The following AP3S1 variants were observed in gnomAD, a reference collection of about 807,000 sequenced individuals.
AP3S1 encodes AP-3 complex subunit sigma-1.
A neutral mutation model predicts 21.3 loss-of-function variants in AP3S1; 12 were observed. The ratio of observed to expected loss-of-function variants is 0.56; its 90% CI spans 0.36 to 0.91. The LOEUF (loss-of-function observed/expected upper bound fraction) is 0.91. AP3S1 is among the 40% of genes least tolerant of loss of function. The pLI is 0.01. For synonymous variants in AP3S1, 48 were observed against 78.4 expected (o/e 0.61, Z 2.05); for missense variants, 116 against 225.0 (o/e 0.52, Z 3.10).
At chr5:115,855,391 G>A (rs1276004351) in intron 1 of AP3S1, among the ~76,000 whole-genome samples, 3 of 151,966 alleles carry the variant, frequency 2.0e-5, no homozygotes, top group Non-Finnish European at 2.9e-5. Context: ...CTAGGCTGGA[G>A]TCCGGTGGTA....
intron 3 of AP3S1, among the ~76,000 whole-genome samples, chr5:115,871,446 C>T (rs1435123678): frequency 2.0e-5 from 3 of 152,158 alleles, no homozygotes; most frequent in African/African-American, 7.2e-5. Flanking sequence ...TCACTATGTA[C>T]CCATTTCTAG....
intron 1 of AP3S1, among the ~76,000 whole-genome samples, chr5:115,852,184 T>C (rs907412892): frequency 6.6e-6 from 1 of 152,132 alleles, no homozygotes; most frequent in African/African-American, 2.4e-5. Flanking sequence ...ATTATCTCTT[T>C]TATTTTATTT....
chr5:115,853,826 T>C (rs1762614376), intron 1 of AP3S1, among the ~76,000 whole-genome samples: 1 of 152,224 alleles, frequency 6.6e-6, no homozygotes, highest in Admixed American at 6.5e-5. Flanking sequence ...ACTCTCTAAA[T>C]ATTTCAAACT....
chr5:115,913,227 C>T, intron 5 of AP3S1, 135 bp from the exon 6 acceptor site: 1 of 792,024 alleles, frequency 1.3e-6, no homozygotes, highest in Non-Finnish European at 1.8e-6. Flanking sequence ...CATTCCATAC[C>T]AATTCAAACT....
At chr5:115,842,154 A>G (rs1200928795) in intron 1 of AP3S1, 48 bp downstream of exon 1, 1 of 1,522,840 alleles carries the variant, frequency 6.6e-7, no homozygotes, top group Admixed American at 2.1e-5. Flanking sequence ...GTCGTTGGCG[A>G]CGGGCAGCGC....
At chr5:115,902,658 A>G (rs1328524430) in intron 4 of AP3S1, among the ~76,000 whole-genome samples, 2 of 152,150 alleles carry the variant, frequency 1.3e-5, no homozygotes, top group Admixed American at 6.5e-5. Context: ...TGAAGGTAGT[A>G]CTATTGTTTT....
chr5:115,851,944 A>C (rs915289355), intron 1 of AP3S1, among the ~76,000 whole-genome samples: 1 of 152,080 alleles, frequency 6.6e-6, no homozygotes, highest in African/African-American at 2.4e-5. Context: ...TAATTTAACC[A>C]ATCAATGTGG....
chr5:115,871,846 T>C (rs560411794), intron 3 of AP3S1, among the ~76,000 whole-genome samples: 2 of 152,276 alleles, frequency 1.3e-5, no homozygotes, highest in East Asian at 3.9e-4. Flanking sequence ...TCTCCTAAAA[T>C]ATCTAGCACT....
At chr5:115,864,554 A>C (rs1040798476) in intron 1 of AP3S1, among the ~76,000 whole-genome samples, 2 of 152,242 alleles carry the variant, frequency 1.3e-5, no homozygotes, top group Admixed American at 1.3e-4. Context: ...TAAAGATGTC[A>C]TTGTTGTTAT....
chr5:115,894,332 T>A (rs972301220), intron 3 of AP3S1, among the ~76,000 whole-genome samples: 7 of 152,158 alleles, frequency 4.6e-5, no homozygotes, highest in African/African-American at 1.7e-4. Flanking sequence ...AAGCTTCAGA[T>A]CCTCGGAGAA....
intron 3 of AP3S1, 91 bp downstream of exon 3, chr5:115,870,219 G>A: frequency 1.3e-6 from 1 of 774,288 alleles, no homozygotes; most frequent in Non-Finnish European, 2.0e-6. Context: ...CTAAAATGAT[G>A]TTAGTAAGAA....
chr5:115,873,882 A>G (rs185989017), intron 3 of AP3S1, among the ~76,000 whole-genome samples: 6 of 152,146 alleles, frequency 3.9e-5, no homozygotes, highest in African/African-American at 1.2e-4. Flanking sequence ...ATATGTAACT[A>G]TTAAACCTAT....
At chr5:115,842,943 G>C (rs1056392076) in intron 1 of AP3S1, among the ~76,000 whole-genome samples, 2 of 151,490 alleles carry the variant, frequency 1.3e-5, no homozygotes, top group Non-Finnish European at 2.9e-5. Context: ...CTCATTTATA[G>C]TTTTTTTCTA....
At chr5:115,872,997 G>A (rs1449424570) in intron 3 of AP3S1, among the ~76,000 whole-genome samples, 2 of 152,092 alleles carry the variant, frequency 1.3e-5, no homozygotes, top group Non-Finnish European at 2.9e-5. Flanking sequence ...AGAATTACAG[G>A]AAGAAAAACA....
At chr5:115,872,174 C>T (rs114724062) in intron 3 of AP3S1, among the ~76,000 whole-genome samples, 1 of 152,012 alleles carries the variant, frequency 6.6e-6, no homozygotes, top group Non-Finnish European at 1.5e-5. Context: ...CTGCACCTGT[C>T]GTCCCAATCA....
chr5:115,882,222 C>T (rs763474890), intron 3 of AP3S1, among the ~76,000 whole-genome samples: 7 of 152,038 alleles, frequency 4.6e-5, no homozygotes, highest in African/African-American at 1.4e-4. Context: ...AACTCATTCA[C>T]CTTCCAGTTT....
intron 2 of AP3S1, among the ~76,000 whole-genome samples, chr5:115,868,172 G>A (rs910526664): frequency 1.3e-5 from 2 of 152,086 alleles, no homozygotes; most frequent in African/African-American, 2.4e-5. Context: ...TATTTTTAAA[G>A]GCAAAATATG....
In AP3S1 at chr5:115,896,857, T is replaced by C. The variant is rs566656766; in HGVS notation, c.345+1699T>C. Among the ~76,000 whole-genome samples, 5 of 152,258 alleles carry C rather than the reference T, an allele frequency of 3.3e-5. No homozygotes were observed. The East Asian group carries it at 7.7e-4, about 24-fold the overall frequency. On this transcript the variant is annotated intron_variant, in intron 4 of 5. Transcript: ENST00000316788. ...GTGTTTTAAAATGACTGCTGAGAGG[T>C]CATCATTAGCTTATGTAAATACATT...
At chr5:115,859,130 C>G (rs1379902086) in intron 1 of AP3S1, among the ~76,000 whole-genome samples, 1 of 152,098 alleles carries the variant, frequency 6.6e-6, no homozygotes, top group Non-Finnish European at 1.5e-5. Context: ...ATTGGAAGCT[C>G]TCAATCCATG....
Sources: allele counts gnomAD v4.1 joint callset (sites outside exome capture counted in the v4.1 genomes callset), GRCh38; gene constraint gnomAD v4.1.1; transcripts MANE v1.5; gene names NCBI Gene and HGNC (gene_info 2026-07-23, HGNC 2026-07-21).